CREB1: variants seen among roughly 807,000 people sequenced by gnomAD.
The protein encoded by CREB1 is cyclic AMP-responsive element-binding protein 1.
CREB1 carries 2 observed loss-of-function variants against 42.0 expected under a neutral mutation model. That is an observed-to-expected ratio of 0.05 (90% CI 0.02 to 0.15). CREB1 has a LOEUF of 0.15. Among genes scored for constraint, CREB1 ranks in the 10% least tolerant of loss-of-function variants. The pLI is 1.00. For missense variants in CREB1, 199 were observed against 388.9 expected (o/e 0.51, Z 4.11); for synonymous variants, 123 against 139.9 (o/e 0.88, Z 0.85).
intron 7 of CREB1, among the ~76,000 whole-genome samples, chr2:207,579,961 T>C (rs2082790381): frequency 6.6e-6 from 1 of 152,220 alleles, no homozygotes. Context: ...TTTTCAAATT[T>C]TTCCTTTGAA....
chr2:207,596,319 G>A (rs2086150743), intron 7 of CREB1, among the ~76,000 whole-genome samples: 1 of 152,186 alleles, frequency 6.6e-6, no homozygotes, highest in South Asian at 2.1e-4. Flanking sequence ...TGTTTTCTTA[G>A]TTATTGATAT....
intron 1 of CREB1, 135 bp downstream of exon 1, chr2:207,530,269 C>G (rs1282884466): frequency 2.6e-5 from 4 of 151,930 alleles, no homozygotes; most frequent in East Asian, 1.9e-4. Context: ...AGCCTCCGCC[C>G]GAGCCCCACA....
intron 6 of CREB1, chr2:207,576,984 A>G (rs1183224207): frequency 1.1e-6 from 1 of 887,206 alleles, no homozygotes; most frequent in Non-Finnish European, 1.4e-6. Flanking sequence ...GCATCAAGTG[A>G]TACACTTTTT....
chr2:207,575,947 C>CCCCCCCCT (rs1553503404), intron 6 of CREB1, among the ~76,000 whole-genome samples: 1 of 56,500 alleles, frequency 1.8e-5, no homozygotes, highest in Non-Finnish European at 4.4e-5. Flanking sequence ...CCCCCCCCCC[C>CCCCCCCCT]CAAAAGAAAT....
intron 7 of CREB1, among the ~76,000 whole-genome samples, chr2:207,591,477 A>G (rs2085017277): frequency 1.3e-5 from 2 of 152,184 alleles, no homozygotes; most frequent in South Asian, 4.1e-4. Context: ...CCCAGGCTGG[A>G]GTGCAATGGC....
chr2:207,579,730 A>T (rs542539794), intron 7 of CREB1, among the ~76,000 whole-genome samples: 1 of 152,168 alleles, frequency 6.6e-6, no homozygotes. Flanking sequence ...CTTTGTTACC[A>T]GATTACTGCT....
chr2:207,605,796 G>A lies in CREB1; in HGVS notation c.*8738G>A, dbSNP rs1465863635. On this transcript the variant is annotated 3_prime_UTR_variant, in exon 8 of 8. Transcript: ENST00000353267. ...GAGGTTGGTAACTAGGTCTACACAAGTTGTATCTCCAGGATACTGAGAAGT... is the reference window on the plus strand; with the variant it reads ...GAGGTTGGTAACTAGGTCTACACAAATTGTATCTCCAGGATACTGAGAAGT... Among the ~76,000 whole-genome samples, 1 of 152,198 alleles carries A rather than the reference G, an allele frequency of 6.6e-6. No individual in the cohort carries two copies. The highest frequency in any genetic ancestry group is 2.4e-5 in the African/African-American group (1 of 41,452).
chr2:207,541,030 G>A (rs759595917), intron 1 of CREB1, among the ~76,000 whole-genome samples: 4 of 152,130 alleles, frequency 2.6e-5, no homozygotes, highest in Non-Finnish European at 5.9e-5. Flanking sequence ...GACCAGCCTG[G>A]CCAACATGGT....
chr2:207,584,222 A>G (rs1214668191), intron 7 of CREB1, among the ~76,000 whole-genome samples: 2 of 152,248 alleles, frequency 1.3e-5, no homozygotes, highest in African/African-American at 4.8e-5. Context: ...AACTTTTTAA[A>G]TAAACTGTCC....
intron 7 of CREB1, chr2:207,580,580 C>G (rs2082844334): frequency 4.6e-6 from 1 of 217,242 alleles, no homozygotes; most frequent in African/African-American, 2.2e-5. Context: ...TTATGCACAT[C>G]AAACACAGCC....
intron 1 of CREB1, among the ~76,000 whole-genome samples, chr2:207,543,236 T>C (rs960935773): frequency 4.6e-5 from 7 of 152,204 alleles, no homozygotes; most frequent in African/African-American, 1.7e-4. Context: ...TTCCCCCAAA[T>C]ATCTTTGATC....
chr2:207,574,109 A>C (rs1470013831), intron 5 of CREB1, among the ~76,000 whole-genome samples: 1 of 152,212 alleles, frequency 6.6e-6, no homozygotes. Context: ...TGTAGCCATT[A>C]ACTCTTCTTA....
rs1227154732 is a variant in CREB1, at chr2:207,601,264, T to A, written c.*4206T>A. The A allele has an allele frequency of 5.4e-6, 1 of 185,672 alleles. No individual in the cohort carries two copies. The highest frequency in any genetic ancestry group is 1.1e-5 in the Non-Finnish European group (1 of 87,650). 11.5% of individuals were successfully genotyped at this position (185,672 alleles called of 1,614,324 possible). Reference sequence around the variant, plus strand: ...ATGTTTGGTGTAACTTGCACTTTTTTAAATGACCCAGTTTGGGTATTAGCA... The same window carrying A: ...ATGTTTGGTGTAACTTGCACTTTTTAAAATGACCCAGTTTGGGTATTAGCA... On this transcript the variant is annotated 3_prime_UTR_variant, in exon 8 of 8. Coordinates refer to ENST00000353267, the MANE Select transcript of CREB1 (RefSeq NM_004379.5).
rs1353803505 is a variant in CREB1, at chr2:207,598,886, T to C, written c.*1828T>C. ...TCTCATTTGGGAAGGAAATTCCTTT[T>C]AAAAAAGAGTTGAGACACTTAGAAA... On this transcript the variant is annotated 3_prime_UTR_variant, in exon 8 of 8. Transcript: ENST00000353267. 5.6e-6 allele frequency: 1 copy of C among 177,626 alleles called. No homozygotes were observed. Among genetic ancestry groups the C allele is most frequent in the African/African-American group, 2.4e-5 (1 of 42,252 alleles). The allele number at this position is 177,626 out of a possible 1,614,324, so 11.0% of individuals were successfully genotyped here. A position where few individuals can be genotyped will look rare whatever the true frequency, so the allele number is the denominator to read the frequency against.
At chr2:207,590,790 G>A (rs910479912) in intron 7 of CREB1, among the ~76,000 whole-genome samples, 3 of 152,176 alleles carry the variant, frequency 2.0e-5, no homozygotes, top group Non-Finnish European at 4.4e-5. Flanking sequence ...AAAACAAGCA[G>A]GGAAGCAAAG....
chr2:207,543,041 C>T (rs527834209), intron 1 of CREB1, among the ~76,000 whole-genome samples: 1 of 152,280 alleles, frequency 6.6e-6, no homozygotes, highest in Admixed American at 6.5e-5. Context: ...ATGCTTGAGT[C>T]CCTTATATAA....
chr2:207,580,548 T>C, intron 7 of CREB1: 1 of 218,178 alleles, frequency 4.6e-6, no homozygotes, highest in Non-Finnish European at 9.2e-6. Flanking sequence ...CTCCTAAGCA[T>C]GCTCACTAGG....
In CREB1 at chr2:207,599,164, A is replaced by G; in HGVS notation, c.*2106A>G. On this transcript the variant is annotated 3_prime_UTR_variant, in exon 8 of 8. Coordinates refer to ENST00000353267, the MANE Select transcript of CREB1 (RefSeq NM_004379.5). Reference sequence around the variant, plus strand: ...TTGGACAGTTCACCAGATTCTCAAGAAGGCTTTCAAACAACTATAAAGTTT... The same window carrying G: ...TTGGACAGTTCACCAGATTCTCAAGGAGGCTTTCAAACAACTATAAAGTTT... The G allele has an allele frequency of 5.1e-6, 1 of 197,502 alleles. No individual in the cohort carries two copies. Among genetic ancestry groups the G allele is most frequent in the Non-Finnish European group, 1.0e-5 (1 of 95,446 alleles). 12.2% of individuals were successfully genotyped at this position (197,502 alleles called of 1,614,324 possible). A position where few individuals can be genotyped will look rare whatever the true frequency, so the allele number is the denominator to read the frequency against.
intron 3 of CREB1, chr2:207,561,309 T>G: frequency 1.6e-6 from 1 of 644,242 alleles, no homozygotes; most frequent in Non-Finnish European, 2.7e-6. Flanking sequence ...TAGGCCATAC[T>G]TGTTACCTCC....
Sources: allele counts gnomAD v4.1 joint callset (sites outside exome capture counted in the v4.1 genomes callset), GRCh38; gene constraint gnomAD v4.1.1; transcripts MANE v1.5; gene names NCBI Gene and HGNC (gene_info 2026-07-23, HGNC 2026-07-21).